THSD7A: variants seen among roughly 807,000 people sequenced by gnomAD.
THSD7A encodes thrombospondin type 1 domain containing 7A.
In THSD7A, 96 loss-of-function variants were observed where a neutral mutation model predicts 231.3. That is an observed-to-expected ratio of 0.41 (90% CI 0.35 to 0.49). The LOEUF is 0.49. THSD7A is among the 20% of genes least tolerant of loss of function. The pLI is 0.05. For missense variants in THSD7A, 2,290 were observed against 2,070.2 expected, an observed-to-expected ratio of 1.11 and a Z score of -2.06; for synonymous variants, 940 against 743.3, an observed-to-expected ratio of 1.26 and a Z score of -4.30.
At chr7:11,501,509 A>T (rs1347855623) in intron 6 of THSD7A, among the ~76,000 whole-genome samples, 2 of 152,212 alleles carry the variant, frequency 1.3e-5, no homozygotes, top group Non-Finnish European at 1.5e-5. Context: ...TAGAAATTAA[A>T]CAACATGCTC....
chr7:11,589,724 C>G (rs954815645), intron 4 of THSD7A, among the ~76,000 whole-genome samples: 1 of 152,110 alleles, frequency 6.6e-6, no homozygotes, highest in Non-Finnish European at 1.5e-5. Context: ...TACAGTACTG[C>G]TTAAAGATGT....
At chr7:11,682,216 G>T (rs963463059) in intron 1 of THSD7A, among the ~76,000 whole-genome samples, 2 of 151,986 alleles carry the variant, frequency 1.3e-5, no homozygotes, top group African/African-American at 4.8e-5. Flanking sequence ...CAAAGAAACT[G>T]GCTAATAACA....
intron 1 of THSD7A, among the ~76,000 whole-genome samples, chr7:11,803,334 A>C (rs1173834537): frequency 6.6e-6 from 1 of 152,204 alleles, no homozygotes; most frequent in African/African-American, 2.4e-5. Context: ...GCAAAGTCAC[A>C]TGTGATGTAT....
chr7:11,633,310 T>A (rs1255315895), intron 2 of THSD7A, among the ~76,000 whole-genome samples: 1 of 152,168 alleles, frequency 6.6e-6, no homozygotes, highest in African/African-American at 2.4e-5. Flanking sequence ...TGTCCTAGTG[T>A]ATGTGTAGTG....
intron 23 of THSD7A, among the ~76,000 whole-genome samples, chr7:11,398,088 T>G (rs1315749435): frequency 6.6e-6 from 1 of 152,200 alleles, no homozygotes; most frequent in Non-Finnish European, 1.5e-5. Flanking sequence ...CATGCACATT[T>G]ATATTTATTG....
intron 23 of THSD7A, among the ~76,000 whole-genome samples, chr7:11,397,472 A>G (rs1033699366): frequency 1.6e-4 from 24 of 152,216 alleles, no homozygotes; most frequent in Non-Finnish European, 2.2e-4. Context: ...AAGAAAACCT[A>G]GGCAATACTA....
chr7:11,657,743 A>G (rs1367795903), intron 1 of THSD7A, among the ~76,000 whole-genome samples: 1 of 151,810 alleles, frequency 6.6e-6, no homozygotes. Flanking sequence ...AGTTCCCACT[A>G]TAGTGCTAGA....
chr7:11,582,906 T>A (rs1002182719), intron 4 of THSD7A, among the ~76,000 whole-genome samples: 6 of 150,512 alleles, frequency 4.0e-5, no homozygotes, highest in African/African-American at 1.5e-4. Context: ...ATTCTTGTTT[T>A]TCCTAATTCT....
intron 13 of THSD7A, among the ~76,000 whole-genome samples, chr7:11,445,755 T>C (rs1330827891): frequency 2.6e-5 from 4 of 152,076 alleles, no homozygotes; most frequent in African/African-American, 9.7e-5. Flanking sequence ...GTGTGTTTAA[T>C]GTACAGGCTC....
intron 4 of THSD7A, among the ~76,000 whole-genome samples, chr7:11,559,182 C>T (rs1789974511): frequency 6.6e-6 from 1 of 151,976 alleles, no homozygotes; most frequent in Non-Finnish European, 1.5e-5. Context: ...AATGAGCAAG[C>T]ACACAGCTCC....
chr7:11,547,886 T>C (rs1392628192), intron 4 of THSD7A, among the ~76,000 whole-genome samples: 1 of 152,132 alleles, frequency 6.6e-6, no homozygotes, highest in Non-Finnish European at 1.5e-5. Flanking sequence ...TTTACAATAC[T>C]AAATGCTCAC....
At chr7:11,728,768 CT>C (rs921967594) in intron 1 of THSD7A, among the ~76,000 whole-genome samples, 3 of 151,708 alleles carry the variant, frequency 2.0e-5, no homozygotes, top group African/African-American at 7.3e-5. Flanking sequence ...AACTTGTATA[CT>C]AAATATTAGT....
At chr7:11,617,342 A>G (rs112206251) in intron 2 of THSD7A, among the ~76,000 whole-genome samples, 130 of 152,306 alleles carry the variant, frequency 8.5e-4, no homozygotes, top group African/African-American at 3.1e-3. Flanking sequence ...GTTTTCAATT[A>G]CTATAGCCCT....
intron 13 of THSD7A, among the ~76,000 whole-genome samples, chr7:11,438,362 T>G (rs1427671300): frequency 3.3e-5 from 5 of 152,054 alleles, no homozygotes; most frequent in African/African-American, 1.2e-4. Flanking sequence ...TAGAGCCTTC[T>G]TTTTATTTTA....
At chr7:11,676,993 A>T (rs1299755523) in intron 1 of THSD7A, among the ~76,000 whole-genome samples, 6 of 152,194 alleles carry the variant, frequency 3.9e-5, no homozygotes. Context: ...AAATGAAAGA[A>T]AAAATGTTAA....
intron 1 of THSD7A, among the ~76,000 whole-genome samples, chr7:11,712,754 A>G (rs1781008482): frequency 6.6e-6 from 1 of 151,044 alleles, no homozygotes; most frequent in Non-Finnish European, 1.5e-5. Flanking sequence ...ACAGTTGATA[A>G]ATTACATATG....
At chr7:11,708,984 A>T (rs539145124) in intron 1 of THSD7A, among the ~76,000 whole-genome samples, 1 of 150,878 alleles carries the variant, frequency 6.6e-6, no homozygotes, top group Admixed American at 6.6e-5. Flanking sequence ...AATAATTATA[A>T]GGAAAATTTA....
intron 8 of THSD7A, among the ~76,000 whole-genome samples, chr7:11,473,930 C>T (rs1352904843): frequency 3.9e-5 from 6 of 152,092 alleles, no homozygotes; most frequent in African/African-American, 1.4e-4. Context: ...AAGGCTTCTA[C>T]CCAATTAAAC....
chr7:11,475,317 G>A (rs529119491), intron 7 of THSD7A, among the ~76,000 whole-genome samples: 6 of 152,136 alleles, frequency 3.9e-5, no homozygotes, highest in Admixed American at 2.6e-4. Flanking sequence ...GATATGCTTT[G>A]GGGGTACCGA....
Sources: allele counts gnomAD v4.1 joint callset (sites outside exome capture counted in the v4.1 genomes callset), GRCh38; gene constraint gnomAD v4.1.1; transcripts MANE v1.5; gene names NCBI Gene and HGNC (gene_info 2026-07-23, HGNC 2026-07-21).